TRIM24: variants seen among roughly 807,000 people sequenced by gnomAD.
The protein encoded by TRIM24 is tripartite motif containing 24, also known as transcription intermediary factor 1-alpha.
Under a neutral mutation model 123.9 loss-of-function variants are expected in TRIM24, and 29 were observed. That is an observed-to-expected ratio of 0.23 (90% confidence interval 0.17 to 0.32). The LOEUF is 0.32. Ranked by LOEUF, TRIM24 falls within the 10% of genes least tolerant of loss-of-function variation. The pLI, the probability that TRIM24 is intolerant of heterozygous loss-of-function variation, is 1.00. For missense variants in TRIM24, 932 were observed against 1,295.3 expected (o/e 0.72, Z 4.31); for synonymous variants, 456 against 461.1 (o/e 0.99, Z 0.14).
intron 9 of TRIM24, among the ~76,000 whole-genome samples, chr7:138,561,620 G>A (rs1187376601): frequency 6.6e-6 from 1 of 152,192 alleles, no homozygotes; most frequent in Non-Finnish European, 1.5e-5. Context: ...TTGAGGCACA[G>A]AGGCCATCCT....
chr7:138,575,031 T>C (rs1184149833), intron 12 of TRIM24, among the ~76,000 whole-genome samples: 2 of 152,214 alleles, frequency 1.3e-5, no homozygotes, highest in South Asian at 2.1e-4. Context: ...TGCTCACTTG[T>C]AAACAGATTA....
Position 138,554,499 on chromosome 7 carries a change from T to G in TRIM24, c.1262-199T>G, listed in dbSNP as rs1797276436. Among the ~76,000 whole-genome samples, 1 of 152,188 alleles carries G rather than the reference T, an allele frequency of 6.6e-6. No homozygotes were observed. Among genetic ancestry groups the G allele is most frequent in the South Asian group, 2.1e-4 (1 of 4,828 alleles). On this transcript the variant is annotated intron_variant, in intron 8 of 18. Coordinates refer to ENST00000343526, the MANE Select transcript of TRIM24 (RefSeq NM_015905.3). The surrounding 1 kb of genome is among the most constrained non-coding windows in gnomAD (Gnocchi z 4.5). ...GAAAGTTTTAAAAATTATTCTTAAT[T>G]TCTAATATTATAAATGTTGATGACT... is the stretch of plus-strand genomic sequence containing the variant.
chr7:138,583,997 G>GAGGTGAGGCT lies in TRIM24; in HGVS notation c.2943+2_2943+11dup. 1 of 1,606,978 alleles carries GAGGTGAGGCT rather than the reference G, an allele frequency of 6.2e-7. No individual in the cohort carries two copies. The highest frequency in any genetic ancestry group is 8.5e-7 in the Non-Finnish European group (1 of 1,178,006). Reference sequence around the variant, plus strand: ...CTTTCAAAACTGTGCTGAATTCAATGAGGTGAGGCTAGGGGAGGGAAGGGG... The same window carrying GAGGTGAGGCT: ...CTTTCAAAACTGTGCTGAATTCAATGAGGTGAGGCTAGGTGAGGCTAGGGGAGGGAAGGGG... On this transcript the variant is annotated frameshift_variant and splice_region_variant, in exon 18 of 19. Coordinates refer to ENST00000343526, the MANE Select transcript of TRIM24 (RefSeq NM_015905.3). LOFTEE classifies it high-confidence loss of function.
intron 7 of TRIM24, among the ~76,000 whole-genome samples, chr7:138,547,846 A>T (rs1270912893): frequency 1.3e-5 from 2 of 152,004 alleles, no homozygotes; most frequent in Admixed American, 6.6e-5. Context: ...GGGTTTCATG[A>T]TGTTGGCCAG....
chr7:138,489,337 G>A (rs1357182058), intron 1 of TRIM24, among the ~76,000 whole-genome samples: 5 of 152,142 alleles, frequency 3.3e-5, no homozygotes, highest in African/African-American at 9.7e-5. Context: ...GGGGCATTTA[G>A]CCCATTTACA....
intron 9 of TRIM24, among the ~76,000 whole-genome samples, chr7:138,564,625 A>G (rs1241871211): frequency 1.3e-5 from 2 of 152,194 alleles, no homozygotes; most frequent in Admixed American, 1.3e-4. Flanking sequence ...TTTGAACTAC[A>G]TTTAGCCATG....
At chr7:138,477,222 A>C (rs1258917877) in intron 1 of TRIM24, among the ~76,000 whole-genome samples, 1 of 152,196 alleles carries the variant, frequency 6.6e-6, no homozygotes, top group East Asian at 1.9e-4. Flanking sequence ...TGGGAGGCTG[A>C]GGCAGGAGAA....
chr7:138,530,227 TA>T (rs1211902008), intron 6 of TRIM24, among the ~76,000 whole-genome samples: 832 of 142,522 alleles, frequency 5.8e-3, no homozygotes, highest in Middle Eastern at 0.022. Context: ...TCTGTGACTT[TA>T]AAAAAAAAAA....
At chr7:138,537,973 C>G (rs1796928969) in intron 6 of TRIM24, among the ~76,000 whole-genome samples, 1 of 152,136 alleles carries the variant, frequency 6.6e-6, no homozygotes, top group Admixed American at 6.5e-5. Flanking sequence ...TAAAATAACC[C>G]AAGTTCAGTG....
intron 1 of TRIM24, among the ~76,000 whole-genome samples, chr7:138,491,563 A>G (rs1795781384): frequency 8.1e-6 from 1 of 124,182 alleles, no homozygotes; most frequent in South Asian, 2.9e-4. Context: ...GGTATAGCAC[A>G]TTTTATTTAC....
intron 1 of TRIM24, chr7:138,461,133 C>T (rs1794958476): frequency 1.4e-6 from 1 of 694,154 alleles, no homozygotes; most frequent in Non-Finnish European, 2.6e-6. Context: ...TGGACTTGAC[C>T]GCGCCGCCGC....
chr7:138,472,328 CAGAA>C (rs770670871), intron 1 of TRIM24, among the ~76,000 whole-genome samples: 1 of 150,700 alleles, frequency 6.6e-6, no homozygotes, highest in Non-Finnish European at 1.5e-5. Flanking sequence ...TCTGAGAAAG[CAGAA>C]AGGCATTGAT....
intron 1 of TRIM24, among the ~76,000 whole-genome samples, chr7:138,476,095 A>G (rs1276558730): frequency 6.6e-6 from 1 of 152,220 alleles, no homozygotes; most frequent in Non-Finnish European, 1.5e-5. Context: ...TTAGGAGCAT[A>G]TTAATAATAG....
chr7:138,563,301 G>C (rs555524744), intron 9 of TRIM24, among the ~76,000 whole-genome samples: 1 of 152,074 alleles, frequency 6.6e-6, no homozygotes, highest in African/African-American at 2.4e-5. Flanking sequence ...CATAGCCTCC[G>C]CCATTTTCTT....
intron 2 of TRIM24, among the ~76,000 whole-genome samples, chr7:138,507,946 A>AT (rs899558448): frequency 2.6e-5 from 4 of 151,372 alleles, no homozygotes; most frequent in South Asian, 2.1e-4. Flanking sequence ...AAAAAAAAAA[A>AT]TTTTTTTTTA....
Position 138,581,722 on chromosome 7 carries a change from T to G in TRIM24, c.2744T>G (p.Leu915Arg), listed in dbSNP as rs1385081115. 6.2e-7 allele frequency: 1 copy of G among 1,613,144 alleles called. No individual in the cohort carries two copies. Among genetic ancestry groups the G allele is most frequent in the Non-Finnish European group, 8.5e-7 (1 of 1,179,664 alleles). Residue 915 changes from leucine to arginine, a missense_variant, in exon 17 of 19, where the codon CTT becomes CGT. This residue lies in a region of TRIM24 where 16 missense variants were observed against 46.5 expected (regional missense o/e 0.34). Coordinates refer to ENST00000343526, the MANE Select transcript of TRIM24 (RefSeq NM_015905.3). ...AAGTGTGAGCGCCTACTTTTATTTC[T>G]TTACTGCCATGAAATGAGCCTGGCT... The part of the protein sequence containing the change: ...KRKCERLLLF[L>R]YCHEMSLAFQ...
At chr7:138,501,529 C>T (rs1796039672) in intron 1 of TRIM24, among the ~76,000 whole-genome samples, 1 of 152,044 alleles carries the variant, frequency 6.6e-6, no homozygotes, top group Non-Finnish European at 1.5e-5. Context: ...CCACACCCGG[C>T]CTTCAGCTTC....
At chr7:138,496,361 C>T (rs1358704503) in intron 1 of TRIM24, among the ~76,000 whole-genome samples, 1 of 152,150 alleles carries the variant, frequency 6.6e-6, no homozygotes, top group Non-Finnish European at 1.5e-5. Context: ...GGATTTTTTG[C>T]ATATACAATC....
chr7:138,563,256 G>A (rs2116653862), intron 9 of TRIM24, among the ~76,000 whole-genome samples: 1 of 152,170 alleles, frequency 6.6e-6, no homozygotes, highest in South Asian at 2.1e-4. Context: ...GTTCCTTCAG[G>A]GTGCAGCAGC....
Sources: gnomAD v4.1 joint callset for allele counts (sites outside exome capture counted in the v4.1 genomes callset) on GRCh38, gnomAD v4.1.1 for gene constraint, gnomAD v4.1.1 regional missense constraint, Gnocchi (gnomAD v3.1) non-coding constraint, MANE v1.5 for transcripts, NCBI Gene and HGNC (gene_info 2026-07-23, HGNC 2026-07-21) for gene names.